The following LAMB1 variants were observed in gnomAD, a reference collection of about 807,000 sequenced individuals.
LAMB1 encodes the protein laminin subunit beta 1.
LAMB1 carries 121 observed loss-of-function variants against 222.3 expected under a neutral mutation model. That is an observed-to-expected ratio of 0.54 (90% CI 0.47 to 0.63). LAMB1 has a LOEUF of 0.63. LAMB1 is among the 30% of genes least tolerant of loss of function. The probability of loss-of-function intolerance (pLI) is 0.00; values close to 1 mark genes in which losing one functional copy is unlikely to be tolerated. For missense variants in LAMB1, 2,172 were observed against 2,240.8 expected (o/e 0.97, Z 0.62); for synonymous variants, 794 against 807.2 (o/e 0.98, Z 0.28).
Position 107,924,396 on chromosome 7 carries a change from T to A in LAMB1, c.5065-7A>T. 1 of 1,593,060 alleles carries A rather than the reference T, an allele frequency of 6.3e-7. No homozygotes were observed. Among genetic ancestry groups the A allele is most frequent in the Non-Finnish European group, 8.6e-7 (1 of 1,167,756 alleles). ...CAAGTTCACCATCTAAAGTCTATAGTTCCACATTTAGACAGAAAGAAGTGG... is the reference window on the plus strand; with the variant it reads ...CAAGTTCACCATCTAAAGTCTATAGATCCACATTTAGACAGAAAGAAGTGG... On this transcript the variant is annotated splice_region_variant and splice_polypyrimidine_tract_variant and intron_variant, in intron 32 of 33. Transcript: ENST00000222399.
In LAMB1 at chr7:107,935,474, G is replaced by C. The variant is rs377656746; in HGVS notation, c.4129C>G (p.Leu1377Val). The change falls in exon 27 of 34, where the codon CTC becomes GTC. Residue 1377 changes from leucine to valine, a missense_variant. Leu to Val is a conservative substitution (Grantham distance 32). Transcript: ENST00000222399. ...FKEKQEEQAR[L>V]LDELAGKLQS... is the part of the protein sequence containing the mutation. ...AGCTTGCCTGCCAGTTCATCAAGGA[G>C]GCGAGCCTGCTCCTCTTGTTTTTCC... The C allele has an allele frequency of 6.2e-7, 1 of 1,612,650 alleles. No homozygotes were observed. Among genetic ancestry groups the C allele is most frequent in the South Asian group, 1.1e-5 (1 of 91,040 alleles).
chr7:107,955,371 A>T, intron 21 of LAMB1, 96 bp downstream of exon 21: 1 of 1,084,306 alleles, frequency 9.2e-7, no homozygotes, highest in Non-Finnish European at 1.3e-6. Context: ...AGTAGACTTA[A>T]TTGGTTCACT....
intron 7 of LAMB1, among the ~76,000 whole-genome samples, chr7:107,984,202 C>A (rs1464947076): frequency 6.6e-6 from 1 of 152,122 alleles, no homozygotes; most frequent in African/African-American, 2.4e-5. Context: ...GTGACTAATT[C>A]TGGCCAATGA....
chr7:107,967,989 G>C (rs1417797424), intron 13 of LAMB1, among the ~76,000 whole-genome samples: 2 of 152,154 alleles, frequency 1.3e-5, no homozygotes, highest in African/African-American at 4.8e-5. Context: ...CAGGCAGAGA[G>C]AGGACAGGAA....
rs114679028 is a variant in LAMB1, at chr7:107,979,485, G to C, written c.879+1124C>G. On this transcript the variant is annotated intron_variant, in intron 8 of 33. Coordinates refer to ENST00000222399, the MANE Select transcript of LAMB1 (RefSeq NM_002291.3). ...TTCCACCTGCTGCTCATTTACTTAG[G>C]GCTCTCTAGTAAATTACTTAATCCT... 7.9e-3 allele frequency among the ~76,000 whole-genome samples: 1,207 copies of C among 152,156 alleles called. 24 individuals are homozygous for C. Among genetic ancestry groups the C allele is most frequent in the African/African-American group, 0.027 (1,139 of 41,494 alleles).
intron 9 of LAMB1, among the ~76,000 whole-genome samples, chr7:107,977,483 G>A (rs115746024): frequency 9.9e-5 from 15 of 151,958 alleles, no homozygotes; most frequent in Admixed American, 2.6e-4. Flanking sequence ...TTTCTCTCAC[G>A]GTCATCTTGC....
chr7:107,984,402 C>T (rs1431522452), intron 7 of LAMB1, among the ~76,000 whole-genome samples: 1 of 152,196 alleles, frequency 6.6e-6, no homozygotes, highest in Non-Finnish European at 1.5e-5. Flanking sequence ...GCATATGCCA[C>T]CATGTCAGCT....
chr7:107,969,338 T>C (rs1459433112), intron 13 of LAMB1, among the ~76,000 whole-genome samples: 1 of 151,232 alleles, frequency 6.6e-6, no homozygotes, highest in South Asian at 2.1e-4. Context: ...CATTTAAAAA[T>C]TCCATTTCAT....
chr7:107,982,440 C>A (rs922971278), intron 7 of LAMB1, among the ~76,000 whole-genome samples: 1 of 152,118 alleles, frequency 6.6e-6, no homozygotes, highest in Non-Finnish European at 1.5e-5. Flanking sequence ...GAAATGGCTG[C>A]GGGTAGAAAG....
At position 107,964,654 on chromosome 7, in the gene LAMB1, C is replaced by T; in HGVS notation, c.1596G>A (p.Arg532=). The T allele has an allele frequency of 1.9e-6, 3 of 1,614,120 alleles. No individual in the cohort carries two copies. Among genetic ancestry groups the T allele is most frequent in the South Asian group, 2.2e-5 (2 of 91,076 alleles). The change falls in exon 14 of 34, where the codon CGG becomes CGA. Residue 532 remains arginine, a synonymous_variant. Transcript: ENST00000222399. ...TGCACTGACGTCCAATCATGTGAGG[C>T]CGGCATGAGCACTGGCCTGACTCCG... ...CFAESGQCSC[R]PHMIGRQCNE...
intron 32 of LAMB1, among the ~76,000 whole-genome samples, 187 bp from the exon 33 acceptor site, chr7:107,924,576 C>T (rs114882664): frequency 8.3e-4 from 126 of 152,292 alleles, no homozygotes; most frequent in African/African-American, 2.9e-3. Flanking sequence ...TTTTAAAGAA[C>T]ATTTCAAAAA....
At chr7:107,977,967 A>G in intron 9 of LAMB1, 80 bp downstream of exon 9, 1 of 1,520,872 alleles carries the variant, frequency 6.6e-7, no homozygotes, top group South Asian at 1.2e-5. Context: ...GCAAAACAGT[A>G]CACTGTTACA....
chr7:107,991,461 C>T (rs377068878), intron 5 of LAMB1, among the ~76,000 whole-genome samples: 4 of 151,860 alleles, frequency 2.6e-5, no homozygotes, highest in African/African-American at 9.7e-5. Flanking sequence ...GTGGTACATG[C>T]GTGTAATCCC....
intron 20 of LAMB1, among the ~76,000 whole-genome samples, chr7:107,956,385 C>T (rs757574183): frequency 6.6e-6 from 1 of 152,170 alleles, no homozygotes; most frequent in Non-Finnish European, 1.5e-5. Context: ...CTCCTCCCAC[C>T]GAGTTTCTGA....
intron 10 of LAMB1, 61 bp downstream of exon 10, chr7:107,975,628 A>G (rs929022253): frequency 6.8e-7 from 1 of 1,474,560 alleles, no homozygotes; most frequent in African/African-American, 1.4e-5. Flanking sequence ...ACTACTGACT[A>G]TTCAGTTTGG....
chr7:107,998,312 T>C, intron 4 of LAMB1, 45 bp downstream of exon 4: 1 of 1,600,196 alleles, frequency 6.2e-7, no homozygotes, highest in East Asian at 2.2e-5. Flanking sequence ...CCACCCAAGT[T>C]ATCAATCACA....
chr7:107,929,354 T>A, intron 30 of LAMB1, 58 bp downstream of exon 30: 1 of 1,539,640 alleles, frequency 6.5e-7, no homozygotes, highest in Non-Finnish European at 9.0e-7. Context: ...AAAGAGATAC[T>A]TTTTACTCCA....
chr7:107,941,748 G>C (rs2032986693), intron 24 of LAMB1, among the ~76,000 whole-genome samples: 1 of 148,010 alleles, frequency 6.8e-6, no homozygotes, highest in African/African-American at 2.5e-5. Context: ...TCTGCCTCCT[G>C]GCTGGGTTCA....
At chr7:107,995,979 G>A (rs535060128) in intron 4 of LAMB1, among the ~76,000 whole-genome samples, 40 of 152,214 alleles carry the variant, frequency 2.6e-4, no homozygotes, top group Admixed American at 5.2e-4. Flanking sequence ...TCATTGGAAC[G>A]GATATGAGTT....
Sources: allele counts gnomAD v4.1 joint callset (sites outside exome capture counted in the v4.1 genomes callset), GRCh38; gene constraint gnomAD v4.1.1; transcripts MANE v1.5; gene names NCBI Gene and HGNC (gene_info 2026-07-23, HGNC 2026-07-21).